TEDC1: variants seen among roughly 807,000 people sequenced by gnomAD.
TEDC1 encodes the protein tubulin epsilon and delta complex protein 1.
Under a neutral mutation model 59.9 loss-of-function variants are expected in TEDC1, and 54 were observed. That is an observed-to-expected ratio of 0.90 (90% confidence interval 0.72 to 1.13). The LOEUF (loss-of-function observed/expected upper bound fraction) is 1.13, where lower values mean the gene tolerates loss of function less well. Ranked by LOEUF, TEDC1 falls within the 50% of genes most tolerant of loss-of-function variation. TEDC1 has a pLI of 0.00. For synonymous variants in TEDC1, 353 were observed against 298.1 expected, an observed-to-expected ratio of 1.18 and a Z score of -1.90; for missense variants, 734 against 683.4, an observed-to-expected ratio of 1.07 and a Z score of -0.83.
At chr14:105,492,481 C>A in intron 3 of TEDC1, 98 bp from the exon 4 acceptor site, 1 of 1,470,362 alleles carries the variant, frequency 6.8e-7, no homozygotes, top group Non-Finnish European at 9.0e-7. Flanking sequence ...AGGGAGCACC[C>A]GTTGTTTTTG....
chr14:105,497,624 C>T (rs1595479009), intron 7 of TEDC1, 174 bp from the exon 8 acceptor site: 1 of 1,108,680 alleles, frequency 9.0e-7, no homozygotes, highest in African/African-American at 1.6e-5. Context: ...CTGCCCCCGC[C>T]CTCAGCTCCA....
intron 5 of TEDC1, chr14:105,494,380 A>C: frequency 4.8e-6 from 1 of 208,788 alleles, no homozygotes; most frequent in South Asian, 6.7e-5. Flanking sequence ...GGAGGGGACA[A>C]CTGCCCTTCA....
At chr14:105,491,755 G>A in intron 2 of TEDC1, 55 bp downstream of exon 2, 6 of 1,504,344 alleles carry the variant, frequency 4.0e-6, no homozygotes, top group Non-Finnish European at 5.4e-6. Context: ...GCCTACTCCT[G>A]TAAAGCCCCG....
chr14:105,491,356 A>G lies in TEDC1; in HGVS notation c.-20A>G, dbSNP rs1355597148. 1.4e-5 allele frequency: 21 copies of G among 1,459,158 alleles called. No individual in the cohort carries two copies. Among genetic ancestry groups the G allele is most frequent in the Non-Finnish European group, 1.9e-5 (21 of 1,110,846 alleles). The allele number at this position is 1,459,158 out of a possible 1,614,324, so 90.4% of individuals were successfully genotyped here. On this transcript the variant is annotated 5_prime_UTR_variant, in exon 1 of 9. Transcript: ENST00000392523. ...GCCGCGGCGGAGGCGGGCGATCCGA[A>G]AGAGGCTGGTGCTGGCTGCATGGGG...
chr14:105,494,695 G>A (rs1366771656), intron 5 of TEDC1: 1 of 152,240 alleles, frequency 6.6e-6, no homozygotes, highest in Non-Finnish European at 1.5e-5. Context: ...CAAGTGTTAG[G>A]GTTGACCTAG....
At chr14:105,492,394 T>A (rs1555439647) in intron 3 of TEDC1, 85 bp downstream of exon 3, 1 of 1,554,320 alleles carries the variant, frequency 6.4e-7, no homozygotes, top group African/African-American at 1.3e-5. Flanking sequence ...CAGCCCCCTC[T>A]GTCTGCTTTG....
At chr14:105,494,792 GC>G (rs1274568451) in intron 5 of TEDC1, 1 of 152,314 alleles carries the variant, frequency 6.6e-6, no homozygotes, top group Non-Finnish European at 1.5e-5. Context: ...GGGTCTGCCC[GC>G]CCGTCATCAC....
upstream of TEDC1, chr14:105,490,311 AG>A (rs1281291085): frequency 3.3e-5 from 5 of 152,344 alleles, no homozygotes; most frequent in Non-Finnish European, 7.3e-5. Context: ...GGGAGGACTG[AG>A]TTTCCCTCTC....
upstream of TEDC1, chr14:105,490,160 T>TGG (rs1270499359): frequency 3.3e-3 from 144 of 43,544 alleles, no homozygotes; most frequent in African/African-American, 8.9e-3. Flanking sequence ...AGGGGCTTGC[T>TGG]GGGGGGGGGG....
At position 105,498,814 on chromosome 14, in the gene TEDC1, C is replaced by T; in HGVS notation, c.1356C>T (p.Ile452=). 6.2e-7 allele frequency: 1 copy of T among 1,600,036 alleles called. No homozygotes were observed. Among genetic ancestry groups the T allele is most frequent in the South Asian group, 1.1e-5 (1 of 88,544 alleles). Reference sequence around the variant, plus strand: ...GGGACCTGCGGGCAGCTGTGGTGATCAGGACGCTGAGGAGCCAGGAGGCCT... The same window carrying T: ...GGGACCTGCGGGCAGCTGTGGTGATTAGGACGCTGAGGAGCCAGGAGGCCT... ...GDRDLRAAVV[I]RTLRSQEACL... Residue 452 remains isoleucine (I), a synonymous_variant, in exon 9 of 9, where the codon ATC becomes ATT. Transcript: ENST00000392523.
In TEDC1 at chr14:105,496,136, G is replaced by T; in HGVS notation, c.891+50G>T. 2.9e-6 allele frequency: 2 copies of T among 680,204 alleles called. 1 individual carries two copies. Among genetic ancestry groups the T allele is most frequent in the Non-Finnish European group, 4.5e-6 (2 of 443,622 alleles). 42.1% of individuals were successfully genotyped at this position (680,204 alleles called of 1,614,324 possible). A position where few individuals can be genotyped will look rare whatever the true frequency, so the allele number is the denominator to read the frequency against. ...AGTGGAGACCGCAGGACTTGGGGGT[G>T]GGTGGGAGGGGGTGGCGAGGGGGTG... On this transcript the variant is annotated intron_variant, in intron 6 of 8. Coordinates refer to ENST00000392523, the MANE Select transcript of TEDC1 (RefSeq NM_001367178.1).
At position 105,498,798 on chromosome 14, in the gene TEDC1, G is replaced by A. The variant is rs201620460; in HGVS notation, c.1340G>A (p.Arg447Gln). ...EDGAAGDRDL[R>Q]AAVVIRTLRS... The stretch of plus-strand genomic sequence containing the variant: ...GGGGCAGCAGGGGACCGGGACCTGC[G>A]GGCAGCTGTGGTGATCAGGACGCTG... The change falls in exon 9 of 9, where the codon CGG (arginine) becomes CAG (glutamine). Residue 447 changes from arginine to glutamine, a missense_variant. By Grantham distance (43) the Arg-to-Gln change is conservative. Transcript: ENST00000392523. 48 of 1,589,138 alleles carry A rather than the reference G, an allele frequency of 3.0e-5. No homozygotes were observed. Among genetic ancestry groups the A allele is most frequent in the African/African-American group, 2.3e-4 (17 of 74,776 alleles).
rs143040581 is a variant in TEDC1 at position 105,494,358 on chromosome 14, G to T, written c.684+425G>T. 1.9e-3 allele frequency: 451 copies of T among 237,002 alleles called. 4 individuals carry two copies. The highest frequency in any genetic ancestry group is 8.3e-3 in the South Asian group (172 of 20,620). 14.7% of individuals were successfully genotyped at this position (237,002 alleles called of 1,614,324 possible). On this transcript the variant is annotated intron_variant, in intron 5 of 8. Coordinates refer to ENST00000392523, the MANE Select transcript of TEDC1 (RefSeq NM_001367178.1). ...CACACTGGGTGAAGGGTTGGGCACA[G>T]GGCTGACTGTGGGAGGGGACAACTG...
intron 3 of TEDC1, 78 bp downstream of exon 3, chr14:105,492,387 C>G: frequency 6.4e-7 from 1 of 1,562,056 alleles, no homozygotes; most frequent in East Asian, 2.3e-5. Context: ...CCTGGGTCAG[C>G]CCCCTCTGTC....
At chr14:105,490,166 G>C (rs1003631858), upstream of TEDC1, 3 of 151,326 alleles carry the variant, frequency 2.0e-5, no homozygotes, top group East Asian at 1.9e-4. Context: ...TTGCTGGGGG[G>C]GGGGCCCCGA....
At chr14:105,490,953 G>C, upstream of TEDC1, 2 of 1,339,098 alleles carry the variant, frequency 1.5e-6, no homozygotes, top group South Asian at 2.5e-5. Flanking sequence ...TGCAAGGGCG[G>C]ACTCTGCGGT....
At chr14:105,491,243 C>G (rs2084198483), upstream of TEDC1, 2 of 1,537,452 alleles carry the variant, frequency 1.3e-6, no homozygotes, top group Admixed American at 2.0e-5. Context: ...CATGATTGGG[C>G]TCAGGTTCCA....
chr14:105,493,636 G>A (rs1453823363), intron 4 of TEDC1, among the ~76,000 whole-genome samples, 199 bp from the exon 5 acceptor site: 2 of 152,134 alleles, frequency 1.3e-5, no homozygotes, highest in African/African-American at 2.4e-5. Context: ...CCCCTTGCAG[G>A]AGACCCCAGC....
intron 8 of TEDC1, 92 bp from the exon 9 acceptor site, chr14:105,498,525 G>C: frequency 2.2e-6 from 3 of 1,356,172 alleles, no homozygotes; most frequent in Non-Finnish European, 3.0e-6. Flanking sequence ...TGCCTGCAGC[G>C]CCTGCACCTG....
Sources: allele counts gnomAD v4.1 joint callset (sites outside exome capture counted in the v4.1 genomes callset), GRCh38; gene constraint gnomAD v4.1.1; transcripts MANE v1.5; gene names NCBI Gene and HGNC (gene_info 2026-07-23, HGNC 2026-07-21).